The following CFAP61 variants were observed in gnomAD, a reference collection of about 807,000 sequenced individuals.
CFAP61 encodes cilia and flagella associated protein 61.
CFAP61 carries 107 observed loss-of-function variants against 135.6 expected under a neutral mutation model. The observed-to-expected ratio is 0.79, with a 90% confidence interval of 0.67 to 0.93. The LOEUF (loss-of-function observed/expected upper bound fraction) is 0.93, where lower values mean the gene tolerates loss of function less well. Ranked by LOEUF, CFAP61 falls within the 40% of genes least tolerant of loss-of-function variation. The probability of loss-of-function intolerance (pLI) is 0.00; values close to 1 mark genes in which losing one functional copy is unlikely to be tolerated. For missense variants in CFAP61, 1,507 were observed against 1,556.2 expected (o/e 0.97, Z 0.53); for synonymous variants, 575 against 578.5 (o/e 0.99, Z 0.09).
At chr20:20,194,790 G>A (rs867523574) in intron 15 of CFAP61, among the ~76,000 whole-genome samples, 4 of 152,198 alleles carry the variant, frequency 2.6e-5, no homozygotes, top group Non-Finnish European at 5.9e-5. Flanking sequence ...GTGACCCAAG[G>A]TAAGAAGGTT....
chr20:20,145,416 A>G (rs1281713826), intron 9 of CFAP61, among the ~76,000 whole-genome samples: 3 of 152,342 alleles, frequency 2.0e-5, no homozygotes, highest in African/African-American at 4.8e-5. Flanking sequence ...GAGATTAAAT[A>G]TCATCATAAA....
At chr20:20,218,132 T>TA (rs768046583) in intron 17 of CFAP61, among the ~76,000 whole-genome samples, 4 of 152,342 alleles carry the variant, frequency 2.6e-5, no homozygotes, top group Non-Finnish European at 4.4e-5. Flanking sequence ...TCCCAGCTGA[T>TA]ATGGTTTGGC....
intron 8 of CFAP61, among the ~76,000 whole-genome samples, chr20:20,102,719 CTTCCCTGTCTCT>C (rs1409103628): frequency 6.6e-6 from 1 of 152,026 alleles, no homozygotes; most frequent in Non-Finnish European, 1.5e-5. Flanking sequence ...GTTGCCTTTC[CTTCCCTGTCTCT>C]TTCCTCACTC....
In CFAP61 at chr20:20,198,508, C is replaced by T. The variant is rs148520196; in HGVS notation, c.1798-1260C>T. ...ACAGATTTCTTCTCAGTCTGCCCTT[C>T]CAGTTGATTTCACATATTCATTTAA... On this transcript the variant is annotated intron_variant, in intron 16 of 26. Transcript: ENST00000245957. Among the ~76,000 whole-genome samples, 479 of 152,292 alleles carry T rather than the reference C, an allele frequency of 3.1e-3. 3 individuals are homozygous for T. The highest frequency in any genetic ancestry group is 0.011 in the African/African-American group (452 of 41,542).
At chr20:20,223,517 C>A (rs538898810) in intron 17 of CFAP61, among the ~76,000 whole-genome samples, 303 of 152,242 alleles carry the variant, frequency 2.0e-3, no homozygotes, top group Middle Eastern at 6.8e-3. Context: ...TATGTAGGAT[C>A]ATTTGTATTT....
chr20:20,350,582 T>G (rs867560401), intron 26 of CFAP61, among the ~76,000 whole-genome samples: 1 of 151,428 alleles, frequency 6.6e-6, no homozygotes, highest in South Asian at 2.1e-4. Flanking sequence ...TGAGCCGAGA[T>G]CACACCACTG....
At chr20:20,083,088 A>G (rs2046542402) in intron 6 of CFAP61, among the ~76,000 whole-genome samples, 1 of 152,238 alleles carries the variant, frequency 6.6e-6, no homozygotes, top group Non-Finnish European at 1.5e-5. Context: ...TATGGAACCA[A>G]CCTAAGTGCC....
intron 1 of CFAP61, among the ~76,000 whole-genome samples, chr20:20,054,062 T>A (rs1403290413): frequency 6.6e-6 from 1 of 151,092 alleles, no homozygotes; most frequent in Non-Finnish European, 1.5e-5. Context: ...CTTCTTACTT[T>A]TTGCCATCAA....
chr20:20,270,453 A>G (rs1015334295), intron 21 of CFAP61, among the ~76,000 whole-genome samples: 2 of 152,220 alleles, frequency 1.3e-5, no homozygotes, highest in South Asian at 2.1e-4. Context: ...CATTACTTTT[A>G]GGGTACATCT....
chr20:20,238,464 A>T (rs1315745931), intron 18 of CFAP61, among the ~76,000 whole-genome samples: 2 of 152,348 alleles, frequency 1.3e-5, no homozygotes, highest in South Asian at 4.1e-4. Flanking sequence ...GTGGGATAAT[A>T]ATTTTTTCTC....
intron 7 of CFAP61, among the ~76,000 whole-genome samples, chr20:20,092,369 A>C (rs1448491023): frequency 6.6e-6 from 1 of 152,242 alleles, no homozygotes; most frequent in Non-Finnish European, 1.5e-5. Context: ...CCCAAAAGGC[A>C]GCCCACACCC....
At chr20:20,248,691 T>C (rs1392646620) in intron 19 of CFAP61, among the ~76,000 whole-genome samples, 1 of 152,198 alleles carries the variant, frequency 6.6e-6, no homozygotes, top group Non-Finnish European at 1.5e-5. Flanking sequence ...TTTCTAAGGT[T>C]CTTTCCAGCT....
intron 9 of CFAP61, among the ~76,000 whole-genome samples, chr20:20,152,021 C>T (rs1297706295): frequency 2.6e-5 from 4 of 152,014 alleles, no homozygotes; most frequent in African/African-American, 9.7e-5. Context: ...GCAGGTTTCT[C>T]AGCAGAAACA....
chr20:20,342,010 C>T (rs2058460190), intron 26 of CFAP61, 89 bp downstream of exon 26: 2 of 838,798 alleles, frequency 2.4e-6, no homozygotes, highest in East Asian at 2.7e-5. Context: ...CCCTACATTC[C>T]CATTTTATGG....
At chr20:20,142,285 T>G (rs1361462773) in intron 8 of CFAP61, among the ~76,000 whole-genome samples, 6 of 152,154 alleles carry the variant, frequency 3.9e-5, no homozygotes, top group African/African-American at 4.8e-5. Context: ...TAATTTCTAT[T>G]ACGAAATAGA....
At chr20:20,170,254 G>A (rs1403612049) in intron 13 of CFAP61, among the ~76,000 whole-genome samples, 2 of 152,138 alleles carry the variant, frequency 1.3e-5, no homozygotes, top group Non-Finnish European at 2.9e-5. Flanking sequence ...TTTAAAACAT[G>A]AAAGAAAAAG....
At chr20:20,134,300 G>T (rs1321636948) in intron 8 of CFAP61, among the ~76,000 whole-genome samples, 1 of 152,174 alleles carries the variant, frequency 6.6e-6, no homozygotes, top group Non-Finnish European at 1.5e-5. Flanking sequence ...TGATATCAAA[G>T]AGTGTAGAAT....
chr20:20,171,937 G>A (rs2328500), intron 13 of CFAP61: 438,053 of 493,102 alleles, frequency 0.89, 199,466 homozygotes, highest in Middle Eastern at 0.97. Flanking sequence ...ACAGGGAAGG[G>A]TGGAATGAGA....
intron 10 of CFAP61, 100 bp from the exon 11 acceptor site, chr20:20,163,950 C>T: frequency 1.0e-6 from 1 of 965,626 alleles, no homozygotes; most frequent in Non-Finnish European, 1.5e-6. Flanking sequence ...TCACACCTGT[C>T]CTCAGAACGG....
Sources: gnomAD v4.1 joint callset for allele counts (sites outside exome capture counted in the v4.1 genomes callset) on GRCh38, gnomAD v4.1.1 for gene constraint, MANE v1.5 for transcripts, NCBI Gene and HGNC (gene_info 2026-07-23, HGNC 2026-07-21) for gene names.